BCORL1: variants seen among roughly 807,000 people sequenced by gnomAD.
The protein encoded by BCORL1 is BCL-6 corepressor-like protein 1.
Under a neutral mutation model 87.6 loss-of-function variants are expected in BCORL1, and 7 were observed. That is an observed-to-expected ratio of 0.08 (90% confidence interval 0.05 to 0.15). BCORL1 has a LOEUF of 0.15. BCORL1 is among the 10% of genes least tolerant of loss of function. The pLI is 1.00. For synonymous variants in BCORL1, 591 were observed against 634.4 expected (o/e 0.93, Z 1.03); for missense variants, 1,215 against 1,499.7 (o/e 0.81, Z 3.13).
At chrX:130,041,775 C>G (rs749725302) in intron 11 of BCORL1, among the ~76,000 whole-genome samples, 1 of 110,186 alleles carries the variant, frequency 9.1e-6, no homozygotes, top group Non-Finnish European at 1.9e-5. Flanking sequence ...TACAGGCACC[C>G]GCCACCAAGC....
intron 13 of BCORL1, among the ~76,000 whole-genome samples, chrX:130,054,051 T>G (rs1195068888): frequency 8.9e-6 from 1 of 112,389 alleles, no homozygotes; most frequent in East Asian, 2.8e-4. Context: ...TCTATAAACA[T>G]GTCTTAAACA....
At position 130,034,334 on chromosome X, in the gene BCORL1, A is replaced by C. The variant is rs3810698; in HGVS notation, c.4306-121A>C. On this transcript the variant is annotated intron_variant, in intron 8 of 13. Coordinates refer to ENST00000540052, the MANE Select transcript of BCORL1 (RefSeq NM_001379451.1). ...CTCGGCCATTTAGGGTAGTGTAAGCAAAGTACAGCATGGACACAGATAAGG... is the reference window on the plus strand; with the variant it reads ...CTCGGCCATTTAGGGTAGTGTAAGCCAAGTACAGCATGGACACAGATAAGG... 1.3e-4 allele frequency: 64 copies of C among 490,987 alleles called. No homozygotes were observed. The East Asian group carries it at 3.3e-3, about 26-fold the overall frequency. The allele number at this position is 490,987 out of a possible 1,213,427, so 40.5% of individuals were successfully genotyped here.
intron 1 of BCORL1, among the ~76,000 whole-genome samples, chrX:130,000,734 C>T (rs913748038): frequency 8.9e-6 from 1 of 112,225 alleles, no homozygotes; most frequent in Non-Finnish European, 1.9e-5. Flanking sequence ...AGACAGACTT[C>T]GCATATACAT....
At chrX:129,984,080 T>C (rs1317494663) in intron 1 of BCORL1, among the ~76,000 whole-genome samples, 1 of 55,119 alleles carries the variant, frequency 1.8e-5, no homozygotes, top group Non-Finnish European at 3.3e-5. Context: ...AGTGGTGGGC[T>C]TCGGGGGGAG....
rs189508129 is a variant in BCORL1, at chrX:130,031,044, G to A, written c.4305+2183G>A. On this transcript the variant is annotated intron_variant, in intron 8 of 13. Transcript: ENST00000540052. ...CTTCCCACAGGGGCTCAGAGCCAGGGGGAAGGAGAGAGGGGGAGGGGTCCC... is the reference window on the plus strand; with the variant it reads ...CTTCCCACAGGGGCTCAGAGCCAGGAGGAAGGAGAGAGGGGGAGGGGTCCC... Among the ~76,000 whole-genome samples, 24 of 112,868 alleles carry A rather than the reference G, an allele frequency of 2.1e-4. 1 individual carries two copies. In the East Asian group the frequency reaches 6.2e-3, roughly 29 times the overall value.
chrX:130,025,530 C>T (rs1930193871), intron 7 of BCORL1, 151 bp downstream of exon 7: 6 of 512,064 alleles, frequency 1.2e-5, no homozygotes, highest in Admixed American at 9.2e-5. Flanking sequence ...ACTCCAGCTC[C>T]GAGCCTTTGG....
Position 130,055,975 on chromosome X carries a change from C to G in BCORL1, c.5197C>G (p.Gln1733Glu). Residue 1733 changes from glutamine (Q) to glutamate (E), a missense_variant, in exon 14 of 14, where the codon CAG becomes GAG. Coordinates refer to ENST00000540052, the MANE Select transcript of BCORL1 (RefSeq NM_001379451.1). ...TTMPKAEFYR[Q>E]VASSQLLTPA... ...CATGCCCAAGGCCGAGTTCTACAGG[C>G]AGGTGGCCTCCAGTCAGCTGCTGAC... The G allele has an allele frequency of 8.2e-7, 1 of 1,212,288 alleles. No individual in the cohort carries two copies. The highest frequency in any genetic ancestry group is 2.3e-4 in the Middle Eastern group (1 of 4,354).
chrX:130,050,968 C>A lies in BCORL1; in HGVS notation c.4918+174C>A, dbSNP rs1481333786. On this transcript the variant is annotated intron_variant, in intron 12 of 13. Transcript: ENST00000540052. ...CATTTGTCGAAACTGGGAAATGCAG[C>A]ACTGGTTTGGACACAGCCATCCCTC... 2.7e-5 allele frequency among the ~76,000 whole-genome samples: 3 copies of A among 111,838 alleles called. No homozygotes were observed. In the East Asian group the frequency reaches 8.4e-4, roughly 31 times the overall value.
chrX:130,048,630 A>G (rs978143075), intron 11 of BCORL1, among the ~76,000 whole-genome samples: 2 of 112,316 alleles, frequency 1.8e-5, no homozygotes, highest in African/African-American at 6.5e-5. Context: ...CAAGTAAACA[A>G]AAGATTGTTA....
At chrX:130,025,411 C>T (rs199965147) in intron 7 of BCORL1, 32 bp downstream of exon 7, 60 of 1,120,252 alleles carry the variant, frequency 5.4e-5, no homozygotes, top group Non-Finnish European at 6.1e-5. Flanking sequence ...GCTGTCGCCG[C>T]GGCCCGTTTG....
chrX:130,025,377 C>T lies in BCORL1; in HGVS notation c.4076C>T (p.Ala1359Val). The change falls in exon 7 of 14, where the codon GCA (alanine) becomes GTA (valine). Residue 1359 changes from alanine to valine, a missense_variant and splice_region_variant. By Grantham distance (64) the Ala-to-Val change is moderately conservative (BLOSUM62 0). This residue lies in a region of BCORL1 where 166 missense variants were observed against 196.5 expected (regional missense o/e 0.84). Transcript: ENST00000540052. ...GACGAGCAGCGGCGGAAAGGGAGAG[C>T]AGGTAAGGCTGGCCAGGGGCTCTGC... Reference protein sequence around the residue: ...QEDEQRRKGRADLKARKQKTS... With the variant: ...QEDEQRRKGRVDLKARKQKTS... 1 of 1,142,128 alleles carries T rather than the reference C, an allele frequency of 8.8e-7. No homozygotes were observed. Among genetic ancestry groups the T allele is most frequent in the Non-Finnish European group, 1.2e-6 (1 of 862,809 alleles). 94.1% of individuals were successfully genotyped at this position (1,142,128 alleles called of 1,213,427 possible).
chrX:130,036,661 T>C (rs1419523422), intron 9 of BCORL1, among the ~76,000 whole-genome samples: 1 of 112,390 alleles, frequency 8.9e-6, no homozygotes, highest in Admixed American at 9.4e-5. Context: ...CTTAAAACAA[T>C]TGTCTTCCTT....
At chrX:129,996,885 CTGGGGT>C (rs1927605152) in intron 1 of BCORL1, among the ~76,000 whole-genome samples, 1 of 111,517 alleles carries the variant, frequency 9.0e-6, no homozygotes, top group Non-Finnish European at 1.9e-5. Context: ...TCCTAAAGTG[CTGGGGT>C]TATGGACATG....
intron 1 of BCORL1, among the ~76,000 whole-genome samples, chrX:129,991,885 C>T (rs1927213458): frequency 2.0e-5 from 2 of 97,633 alleles, no homozygotes; most frequent in Non-Finnish European, 4.1e-5. Context: ...AGGTTGGTCT[C>T]GAACCCCTGA....
At chrX:129,984,507 CAG>C (rs58554836) in intron 1 of BCORL1, among the ~76,000 whole-genome samples, 225 of 111,331 alleles carry the variant, frequency 2.0e-3, no homozygotes, top group African/African-American at 6.9e-3. Context: ...GGTTTCGGGA[CAG>C]AGCCCTGCAG....
chrX:130,013,077 C>G lies in BCORL1; in HGVS notation c.305C>G (p.Ala102Gly), dbSNP rs772248982. The change falls in exon 4 of 14, where the codon GCT becomes GGT. Residue 102 changes from alanine to glycine, a missense_variant. Transcript: ENST00000540052. ...PDDPQPKMDY[A>G]GNVAEAEGLL... ...GATCCCCAGCCAAAAATGGACTACG[C>G]TGGGAACGTGGCAGAGGCTGAGGGC... The G allele has an allele frequency of 8.3e-7, 1 of 1,210,821 alleles. No homozygotes were observed. Among genetic ancestry groups the G allele is most frequent in the African/African-American group, 1.7e-5 (1 of 57,905 alleles).
intron 1 of BCORL1, among the ~76,000 whole-genome samples, chrX:129,989,028 C>G (rs941949681): frequency 8.9e-6 from 1 of 111,939 alleles, no homozygotes; most frequent in African/African-American, 3.2e-5. Flanking sequence ...GGTTCTCAAA[C>G]TTGAGCTCCT....
At chrX:130,042,817 C>A (rs1931417828) in intron 11 of BCORL1, among the ~76,000 whole-genome samples, 1 of 108,733 alleles carries the variant, frequency 9.2e-6, no homozygotes, top group Non-Finnish European at 1.9e-5. Flanking sequence ...ACTAAAAATA[C>A]AAAAGTTAGC....
Position 130,013,919 on chromosome X carries a change from G to C in BCORL1, c.1147G>C (p.Ala383Pro), listed in dbSNP as rs761030272. Residue 383 changes from alanine to proline, a missense_variant, in exon 4 of 14, where the codon GCA becomes CCA. Transcript: ENST00000540052. ...CGCCTTTGCTCCTACACCGGTGCCT[G>C]CACCCACCCCAGCCCCCATCTTTAC... ...IPAFAPTPVP[A>P]PTPAPIFTPA... 15 of 1,162,565 alleles carry C rather than the reference G, an allele frequency of 1.3e-5. No individual in the cohort carries two copies. The Admixed American group carries it at 3.9e-4, about 30-fold the overall frequency.
Sources: gnomAD v4.1 joint callset for allele counts (sites outside exome capture counted in the v4.1 genomes callset) on GRCh38, gnomAD v4.1.1 for gene constraint, gnomAD v4.1.1 regional missense constraint, MANE v1.5 for transcripts, NCBI Gene and HGNC (gene_info 2026-07-23, HGNC 2026-07-21) for gene names.